The following RARB variants were observed in gnomAD, a reference collection of about 807,000 sequenced individuals.
The protein encoded by RARB is retinoic acid receptor beta.
Under a neutral mutation model 51.9 loss-of-function variants are expected in RARB, and 17 were observed. That is an observed-to-expected ratio of 0.33 (90% confidence interval 0.22 to 0.49). The LOEUF (loss-of-function observed/expected upper bound fraction) is 0.49, where lower values mean the gene tolerates loss of function less well. Ranked by LOEUF, RARB falls within the 20% of genes least tolerant of loss-of-function variation. The pLI is 0.99. For missense variants in RARB, 369 were observed against 550.8 expected, an observed-to-expected ratio of 0.67 and a Z score of 3.30; for synonymous variants, 215 against 195.4, an observed-to-expected ratio of 1.10 and a Z score of -0.84.
At chr3:24,862,255 T>C (rs1327921893) in intron 2 of RARB, among the ~76,000 whole-genome samples, 1 of 152,226 alleles carries the variant, frequency 6.6e-6, no homozygotes, top group African/African-American at 2.4e-5. Flanking sequence ...GACTCATCAG[T>C]CATCGAGTGT....
At position 25,440,143 on chromosome 3, in the gene RARB, A is replaced by G. The variant is rs1708601390; in HGVS notation, c.157+11255A>G. Among the ~76,000 whole-genome samples, 3 of 152,376 alleles carry G rather than the reference A, an allele frequency of 2.0e-5. No homozygotes were observed. In the South Asian group the frequency reaches 6.2e-4, roughly 32 times the overall value. On this transcript the variant is annotated intron_variant, in intron 1 of 7. Transcript: ENST00000330688. ...AAATAGATTGTTTTTACATATATAC[A>G]TAGTTGTCAATAAGAAACTTGTTTT...
chr3:25,262,042 G>A (rs1164743917), intron 5 of RARB, among the ~76,000 whole-genome samples: 4 of 152,052 alleles, frequency 2.6e-5, no homozygotes, highest in African/African-American at 9.7e-5. Flanking sequence ...AGGCCCTCTG[G>A]GGCTTCCTTT....
At chr3:25,374,773 C>T (rs1016396251) in intron 5 of RARB, among the ~76,000 whole-genome samples, 9 of 152,116 alleles carry the variant, frequency 5.9e-5, no homozygotes, top group African/African-American at 1.4e-4. Context: ...TCAACCTAAA[C>T]GTGTCTTCTT....
chr3:25,092,555 C>G (rs975769430), intron 3 of RARB, among the ~76,000 whole-genome samples: 1 of 152,044 alleles, frequency 6.6e-6, no homozygotes, highest in Non-Finnish European at 1.5e-5. Flanking sequence ...TAACTCCAGC[C>G]CTCTCCCCAC....
intron 5 of RARB, among the ~76,000 whole-genome samples, chr3:25,249,817 G>C (rs1214072377): frequency 6.4e-5 from 4 of 62,378 alleles, no homozygotes; most frequent in Admixed American, 4.7e-4. Flanking sequence ...GGTAAGTCAG[G>C]TAAGTCAGTC....
intron 4 of RARB, among the ~76,000 whole-genome samples, chr3:25,157,173 T>C (rs1259823387): frequency 2.0e-5 from 3 of 152,140 alleles, no homozygotes; most frequent in Non-Finnish European, 2.9e-5. Context: ...AAAACAAATA[T>C]GGGAAAAAGT....
At chr3:25,102,815 T>C (rs529938057) in intron 3 of RARB, among the ~76,000 whole-genome samples, 1 of 151,700 alleles carries the variant, frequency 6.6e-6, no homozygotes, top group Non-Finnish European at 1.5e-5. Context: ...ACTTTGGGAG[T>C]CTGAGGCAGG....
chr3:25,015,414 T>G (rs1341583700), intron 2 of RARB, among the ~76,000 whole-genome samples: 1 of 152,212 alleles, frequency 6.6e-6, no homozygotes, highest in African/African-American at 2.4e-5. Flanking sequence ...CTTTATAATT[T>G]GTTAAAATAA....
intron 5 of RARB, among the ~76,000 whole-genome samples, chr3:25,319,514 T>C (rs910028385): frequency 2.0e-5 from 3 of 152,150 alleles, no homozygotes; most frequent in Non-Finnish European, 4.4e-5. Context: ...CTCCATCTCT[T>C]AGCCCAGACA....
At chr3:24,901,441 A>G (rs542856831) in intron 2 of RARB, among the ~76,000 whole-genome samples, 6 of 152,248 alleles carry the variant, frequency 3.9e-5, no homozygotes, top group Admixed American at 3.3e-4. Context: ...GGACCTCACT[A>G]TGTAGCCCAG....
intron 2 of RARB, among the ~76,000 whole-genome samples, chr3:25,034,106 T>C (rs1260398611): frequency 6.6e-6 from 1 of 152,186 alleles, no homozygotes; most frequent in African/African-American, 2.4e-5. Flanking sequence ...AGAATAGCTG[T>C]TTGGACCAGT....
chr3:24,863,093 A>G (rs113618160), intron 2 of RARB, among the ~76,000 whole-genome samples: 33 of 152,246 alleles, frequency 2.2e-4, no homozygotes, highest in Non-Finnish European at 4.1e-4. Context: ...CTGAAGAATA[A>G]GGAAAGAGGA....
At chr3:25,442,116 T>TTATTTATTTATTTATTTA (rs1553615541) in intron 1 of RARB, among the ~76,000 whole-genome samples, 17 of 147,744 alleles carry the variant, frequency 1.2e-4, no homozygotes, top group Non-Finnish European at 1.3e-4. Context: ...TTTATTTTAT[T>TTATTTATTTATTTATTTA]TTTATTTATT....
intron 2 of RARB, among the ~76,000 whole-genome samples, chr3:25,486,084 G>A (rs1696453892): frequency 6.6e-6 from 1 of 152,174 alleles, no homozygotes; most frequent in African/African-American, 2.4e-5. Flanking sequence ...TGAGTATTTT[G>A]CTGGGAGTTG....
At chr3:24,863,081 T>G (rs1702784334) in intron 2 of RARB, among the ~76,000 whole-genome samples, 2 of 152,226 alleles carry the variant, frequency 1.3e-5, no homozygotes, top group Admixed American at 1.3e-4. Flanking sequence ...ACAGAGCATG[T>G]GCTGAAGAAT....
intron 2 of RARB, among the ~76,000 whole-genome samples, chr3:24,992,117 C>T (rs959910608): frequency 1.3e-5 from 2 of 152,104 alleles, no homozygotes; most frequent in Admixed American, 6.6e-5. Flanking sequence ...TCCTCCATAC[C>T]GCAAACCTAA....
intron 2 of RARB, among the ~76,000 whole-genome samples, chr3:24,910,030 C>T (rs1185064409): frequency 6.6e-6 from 1 of 152,152 alleles, no homozygotes; most frequent in East Asian, 1.9e-4. Flanking sequence ...AAAGCTCCTA[C>T]ATACTAGGTA....
chr3:25,490,818 G>C lies in RARB; in HGVS notation c.307-10364G>C, dbSNP rs905378053. Among the ~76,000 whole-genome samples, 21 of 151,994 alleles carry C rather than the reference G, an allele frequency of 1.4e-4. 1 individual carries two copies. The highest frequency in any genetic ancestry group is 1.3e-3 in the Admixed American group (20 of 15,262). ...GTAACTATGGATTTCACCAAGGAAG[G>C]GCACAAAATAACTGACCTAAGTAAT... On this transcript the variant is annotated intron_variant, in intron 2 of 7. Coordinates refer to ENST00000330688, the MANE Select transcript of RARB (RefSeq NM_000965.5).
At chr3:25,019,594 G>A (rs1697585108) in intron 2 of RARB, among the ~76,000 whole-genome samples, 1 of 152,062 alleles carries the variant, frequency 6.6e-6, no homozygotes, top group African/African-American at 2.4e-5. Flanking sequence ...TGAATATCAG[G>A]GCTTTTTATC....
Sources: gnomAD v4.1 joint callset for allele counts (sites outside exome capture counted in the v4.1 genomes callset) on GRCh38, gnomAD v4.1.1 for gene constraint, MANE v1.5 for transcripts, NCBI Gene and HGNC (gene_info 2026-07-23, HGNC 2026-07-21) for gene names.